FER1L6: variants seen among roughly 807,000 people sequenced by gnomAD.
FER1L6 encodes fer-1 like family member 6, also known as fer-1-like protein 6.
FER1L6 carries 177 observed loss-of-function variants against 219.2 expected under a neutral mutation model. The ratio of observed to expected loss-of-function variants is 0.81; its 90% CI spans 0.71 to 0.91. FER1L6 has a LOEUF of 0.91. FER1L6 is among the 40% of genes least tolerant of loss of function. The pLI is 0.00. For missense variants in FER1L6, 2,153 were observed against 2,259.9 expected, an observed-to-expected ratio of 0.95 and a Z score of 0.96; for synonymous variants, 768 against 824.3, an observed-to-expected ratio of 0.93 and a Z score of 1.17.
At chr8:124,047,142 C>T (rs907322577) in intron 21 of FER1L6, among the ~76,000 whole-genome samples, 2 of 152,132 alleles carry the variant, frequency 1.3e-5, no homozygotes, top group African/African-American at 4.8e-5. Flanking sequence ...AATAGAGCGT[C>T]TTTGAACACT....
chr8:124,087,198 T>C (rs1821821239), intron 33 of FER1L6, among the ~76,000 whole-genome samples: 2 of 152,158 alleles, frequency 1.3e-5, no homozygotes, highest in Admixed American at 1.3e-4. Context: ...ACCTCCTCTT[T>C]AAGGCCAGTA....
At chr8:124,116,047 C>A (rs1320234324) in intron 39 of FER1L6, among the ~76,000 whole-genome samples, 1 of 152,192 alleles carries the variant, frequency 6.6e-6, no homozygotes, top group East Asian at 1.9e-4. Context: ...CACATTTATT[C>A]ATTATTAAAT....
At chr8:123,999,282 T>A (rs1179975317) in intron 12 of FER1L6, among the ~76,000 whole-genome samples, 1 of 152,212 alleles carries the variant, frequency 6.6e-6, no homozygotes, top group African/African-American at 2.4e-5. Flanking sequence ...TGCAGATGAT[T>A]AATTCTGCTA....
intron 18 of FER1L6, among the ~76,000 whole-genome samples, chr8:124,028,772 T>A (rs1427687169): frequency 6.6e-6 from 1 of 152,226 alleles, no homozygotes; most frequent in African/African-American, 2.4e-5. Context: ...TTAACTTTTT[T>A]ATATTTTATT....
intron 22 of FER1L6, among the ~76,000 whole-genome samples, chr8:124,052,551 C>A (rs1052664092): frequency 2.0e-5 from 3 of 151,958 alleles, no homozygotes; most frequent in Non-Finnish European, 2.9e-5. Context: ...TTTGGGAGGC[C>A]GAGGAGCACG....
intron 21 of FER1L6, among the ~76,000 whole-genome samples, chr8:124,047,175 A>G (rs1819774795): frequency 6.6e-6 from 1 of 152,240 alleles, no homozygotes; most frequent in Non-Finnish European, 1.5e-5. Flanking sequence ...ATCAGGTGAC[A>G]GCAAACATTC....
At chr8:124,003,412 G>GAAGAAAACAGTCCTAGAA in intron 13 of FER1L6, 65 bp downstream of exon 13, 1 of 1,021,470 alleles carries the variant, frequency 9.8e-7, no homozygotes, top group Non-Finnish European at 1.4e-6. Flanking sequence ...CAGTTTCTAG[G>GAAGAAAACAGTCCTAGAA]ACTGTTTTCT....
intron 1 of FER1L6, among the ~76,000 whole-genome samples, chr8:123,950,427 T>A (rs1007279145): frequency 4.6e-5 from 7 of 152,184 alleles, no homozygotes; most frequent in Non-Finnish European, 1.0e-4. Flanking sequence ...TCCTACAGCC[T>A]TGCCCTCTTG....
At position 123,975,438 on chromosome 8, in the gene FER1L6, G is replaced by T. The variant is rs952010294; in HGVS notation, c.683+132G>T. On this transcript the variant is annotated intron_variant, in intron 8 of 40. Transcript: ENST00000522917. ...TCTCAGCTTGGTCACCTGGCATTCTGCTCTATCAGACACCAAGATGTGTCC... is the reference window on the plus strand; with the variant it reads ...TCTCAGCTTGGTCACCTGGCATTCTTCTCTATCAGACACCAAGATGTGTCC... The T allele has an allele frequency of 1.2e-5, 10 of 803,292 alleles. No individual in the cohort carries two copies. In the African/African-American group the frequency reaches 1.6e-4, roughly 13 times the overall value. 49.8% of individuals were successfully genotyped at this position (803,292 alleles called of 1,614,324 possible). A position where few individuals can be genotyped will look rare whatever the true frequency, so the allele number is the denominator to read the frequency against.
intron 1 of FER1L6, among the ~76,000 whole-genome samples, chr8:123,953,259 ACAT>A (rs971806458): frequency 2.6e-5 from 4 of 152,116 alleles, no homozygotes; most frequent in African/African-American, 9.7e-5. Context: ...TGTGATACTA[ACAT>A]CAGCCCACCC....
At chr8:123,938,158 G>C (rs1814079438) in intron 1 of FER1L6, among the ~76,000 whole-genome samples, 1 of 152,178 alleles carries the variant, frequency 6.6e-6, no homozygotes, top group Non-Finnish European at 1.5e-5. Flanking sequence ...ACCTGAGGAG[G>C]CTCAGTTTAA....
chr8:123,871,945 C>T (rs746815061), intron 1 of FER1L6, among the ~76,000 whole-genome samples: 1 of 152,230 alleles, frequency 6.6e-6, no homozygotes, highest in African/African-American at 2.4e-5. Context: ...TCTTGCATTG[C>T]TATAAAGAAA....
At chr8:124,013,937 G>T (rs1271505952) in intron 15 of FER1L6, among the ~76,000 whole-genome samples, 1 of 151,952 alleles carries the variant, frequency 6.6e-6, no homozygotes, top group South Asian at 2.1e-4. Flanking sequence ...TTCTCTGAAG[G>T]CTCACTGAAA....
intron 33 of FER1L6, among the ~76,000 whole-genome samples, chr8:124,082,914 TGAAG>T (rs929509461): frequency 7.9e-5 from 12 of 152,170 alleles, no homozygotes; most frequent in African/African-American, 2.9e-4. Flanking sequence ...ATTTTACAAA[TGAAG>T]GAAGAACTGA....
intron 13 of FER1L6, chr8:124,004,309 G>T (rs1228291116): frequency 3.3e-5 from 5 of 152,148 alleles, no homozygotes; most frequent in African/African-American, 4.8e-5. Context: ...AAGGGATAGT[G>T]TACTGAGAGT....
intron 22 of FER1L6, among the ~76,000 whole-genome samples, chr8:124,053,315 C>A (rs1175047213): frequency 1.3e-5 from 2 of 152,166 alleles, no homozygotes; most frequent in Non-Finnish European, 2.9e-5. Context: ...CTGAGCTGGG[C>A]ACACTGGTGA....
At chr8:124,103,975 C>T (rs1822656041) in intron 39 of FER1L6, among the ~76,000 whole-genome samples, 1 of 152,134 alleles carries the variant, frequency 6.6e-6, no homozygotes, top group Non-Finnish European at 1.5e-5. Flanking sequence ...AAAAGCACAC[C>T]TAGGACAGGA....
At chr8:124,070,437 T>C in intron 29 of FER1L6, 30 bp from the exon 30 acceptor site, 2 of 1,610,538 alleles carry the variant, frequency 1.2e-6, no homozygotes, top group South Asian at 1.1e-5. Flanking sequence ...TTCCTTCCTC[T>C]TAGCACAATC....
chr8:124,029,252 G>A (rs571232089), intron 18 of FER1L6, among the ~76,000 whole-genome samples: 9 of 152,308 alleles, frequency 5.9e-5, no homozygotes, highest in African/African-American at 1.9e-4. Context: ...GTGTGCATGT[G>A]TCTTTATAGT....
Sources: gnomAD v4.1 joint callset for allele counts (sites outside exome capture counted in the v4.1 genomes callset) on GRCh38, gnomAD v4.1.1 for gene constraint, MANE v1.5 for transcripts, NCBI Gene and HGNC (gene_info 2026-07-23, HGNC 2026-07-21) for gene names.